Variants in USP48 observed in about 807,000 individuals in gnomAD.
The protein encoded by USP48 is ubiquitin specific peptidase 48.
In USP48, 43 loss-of-function variants were observed where a neutral mutation model predicts 150.7. The observed-to-expected ratio is 0.29, with a 90% CI of 0.22 to 0.37. USP48 has a LOEUF of 0.37. USP48 is among the 10% of genes least tolerant of loss of function. The pLI is 1.00. For missense variants in USP48, 813 were observed against 1,249.6 expected, an observed-to-expected ratio of 0.65 and a Z score of 5.27; for synonymous variants, 396 against 425.9, an observed-to-expected ratio of 0.93 and a Z score of 0.86.
At chr1:21,687,166 A>AT (rs1263503687) in intron 25 of USP48, 25 bp downstream of exon 25, 1 of 1,609,194 alleles carries the variant, frequency 6.2e-7, no homozygotes, top group East Asian at 2.2e-5. Flanking sequence ...TAATCAGCAG[A>AT]TTCCTAAAAC....
chr1:21,728,321 C>T, intron 11 of USP48: 4 of 1,220,682 alleles, frequency 3.3e-6, no homozygotes, highest in Non-Finnish European at 4.1e-6. Flanking sequence ...CTCATGGATG[C>T]AGAGTGCTGA....
chr1:21,717,561 A>T (rs1300068862), intron 14 of USP48, among the ~76,000 whole-genome samples: 1 of 152,202 alleles, frequency 6.6e-6, no homozygotes, highest in Non-Finnish European at 1.5e-5. Context: ...TCACACACAC[A>T]AATAACTTCT....
At position 21,701,523 on chromosome 1, in the gene USP48, C is replaced by G. The variant is rs1037190908; in HGVS notation, c.2702G>C (p.Gly901Ala). ...EEDKEEAKPD[G>A]EKDPDFNQSN... is the part of the protein sequence containing the mutation. Reference sequence around the variant, plus strand: ...TTGATTAAAATCTGGATCTTTTTCTCCATCTGGTTTAGCTTCTTCCTTGTC... The same window carrying G: ...TTGATTAAAATCTGGATCTTTTTCTGCATCTGGTTTAGCTTCTTCCTTGTC... Residue 901 changes from glycine to alanine, a missense_variant, in exon 22 of 27, where the codon GGA (glycine) becomes GCA (alanine). Transcript: ENST00000308271. The G allele has an allele frequency of 6.2e-7, 1 of 1,613,832 alleles. No individual in the cohort carries two copies. Among genetic ancestry groups the G allele is most frequent in the Admixed American group, 1.7e-5 (1 of 59,994 alleles).
intron 12 of USP48, among the ~76,000 whole-genome samples, chr1:21,723,048 T>C (rs987546613): frequency 2.0e-5 from 3 of 152,122 alleles, no homozygotes; most frequent in Non-Finnish European, 4.4e-5. Context: ...GAGGATTGTG[T>C]TGGCAGCTAC....
rs770725000 is a variant in USP48, at chr1:21,704,251, T to A, written c.2515+11A>T. The stretch of plus-strand genomic sequence containing the variant: ...TTAACTATAGAAACCGAAAGCAATA[T>A]GAAAACTTACTGGGCTCAGAAATAT... On this transcript the variant is annotated intron_variant, in intron 20 of 26. Transcript: ENST00000308271. 8 of 1,607,896 alleles carry A rather than the reference T, an allele frequency of 5.0e-6. No individual in the cohort carries two copies. The highest frequency in any genetic ancestry group is 5.9e-6 in the Non-Finnish European group (7 of 1,178,160).
intron 1 of USP48, among the ~76,000 whole-genome samples, chr1:21,778,601 T>TAAAAA (rs35911894): frequency 6.7e-5 from 6 of 88,908 alleles, no homozygotes; most frequent in Non-Finnish European, 1.0e-4. Flanking sequence ...ACCCTCATCT[T>TAAAAA]AAAAAAAAAA....
At chr1:21,752,483 G>C (rs373020750) in intron 5 of USP48, 44 bp downstream of exon 5, 1 of 1,599,356 alleles carries the variant, frequency 6.3e-7, no homozygotes, top group Non-Finnish European at 8.5e-7. Context: ...ATGAGCAACT[G>C]TCTTAGAATA....
chr1:21,782,285 C>G (rs1282097482), intron 1 of USP48, among the ~76,000 whole-genome samples: 2 of 151,920 alleles, frequency 1.3e-5, no homozygotes, highest in African/African-American at 2.4e-5. Flanking sequence ...AAACTGGTGT[C>G]GAACCAGAAC....
chr1:21,704,173 T>C, intron 20 of USP48, 89 bp downstream of exon 20: 1 of 1,491,232 alleles, frequency 6.7e-7, no homozygotes, highest in Non-Finnish European at 9.0e-7. Context: ...CGCATGATCT[T>C]TAACTTTAAG....
At chr1:21,696,441 A>C (rs112339508) in intron 22 of USP48, among the ~76,000 whole-genome samples, 1 of 152,220 alleles carries the variant, frequency 6.6e-6, no homozygotes, top group Admixed American at 6.5e-5. Context: ...TCTGTCTCAA[A>C]AAGAGAAGAA....
chr1:21,746,994 A>G (rs192464927), intron 8 of USP48, 73 bp downstream of exon 8: 7 of 1,237,194 alleles, frequency 5.7e-6, no homozygotes, highest in African/African-American at 3.1e-5. Context: ...CTGCTATTCT[A>G]TATTAATCAC....
At chr1:21,768,506 T>C (rs1048313705) in intron 1 of USP48, 5 of 152,256 alleles carry the variant, frequency 3.3e-5, no homozygotes, top group Non-Finnish European at 5.9e-5. Context: ...TTTCCAAGAA[T>C]TGCTTAATCT....
At chr1:21,690,221 T>A in intron 23 of USP48, 122 bp from the exon 24 acceptor site, 1 of 1,180,230 alleles carries the variant, frequency 8.5e-7, no homozygotes, top group Non-Finnish European at 1.2e-6. Flanking sequence ...ACAAAACCAC[T>A]ATTGTTTACA....
chr1:21,690,215 A>C, intron 23 of USP48, 116 bp from the exon 24 acceptor site: 1 of 1,234,320 alleles, frequency 8.1e-7, no homozygotes, highest in Non-Finnish European at 1.1e-6. Flanking sequence ...CAGAGTACAA[A>C]ACCACTATTG....
chr1:21,758,802 G>T (rs569898151), intron 1 of USP48, among the ~76,000 whole-genome samples: 1 of 151,484 alleles, frequency 6.6e-6, no homozygotes, highest in South Asian at 2.1e-4. Flanking sequence ...AAAAGGAAAT[G>T]TACCTTTTCA....
chr1:21,740,523 T>A (rs906977310), intron 8 of USP48, among the ~76,000 whole-genome samples: 1 of 152,142 alleles, frequency 6.6e-6, no homozygotes, highest in Non-Finnish European at 1.5e-5. Context: ...CTCAAAAAGA[T>A]TTCTTTACTA....
At chr1:21,748,008 C>A in intron 7 of USP48, 130 bp downstream of exon 7, 1 of 955,618 alleles carries the variant, frequency 1.0e-6, no homozygotes, top group East Asian at 3.1e-5. Flanking sequence ...AAAATGACAG[C>A]CTCCATCTAT....
intron 8 of USP48, among the ~76,000 whole-genome samples, chr1:21,744,001 T>G (rs982267651): frequency 6.6e-6 from 1 of 152,146 alleles, no homozygotes; most frequent in African/African-American, 2.4e-5. Flanking sequence ...AGAATCTTAA[T>G]AGTATTCCCT....
chr1:21,706,882 A>C lies in USP48; in HGVS notation c.1964-14T>G. The C allele has an allele frequency of 1.3e-6, 2 of 1,576,176 alleles. No individual in the cohort carries two copies. Among genetic ancestry groups the C allele is most frequent in the Non-Finnish European group, 1.7e-6 (2 of 1,169,068 alleles). The stretch of plus-strand genomic sequence containing the variant: ...TGCATAACTCACCTGAGTTTAAAAA[A>C]ATATATTTGGAAAAAAAAAAAACAG... On this transcript the variant is annotated splice_polypyrimidine_tract_variant and intron_variant, in intron 15 of 26. Coordinates refer to ENST00000308271, the MANE Select transcript of USP48 (RefSeq NM_032236.8).
Sources: allele counts gnomAD v4.1 joint callset (sites outside exome capture counted in the v4.1 genomes callset), GRCh38; gene constraint gnomAD v4.1.1; transcripts MANE v1.5; gene names NCBI Gene and HGNC (gene_info 2026-07-23, HGNC 2026-07-21).